The following FAM178B variants were observed in gnomAD, a reference collection of about 807,000 sequenced individuals.
FAM178B encodes protein FAM178B.
Under a neutral mutation model 91.7 loss-of-function variants are expected in FAM178B, and 82 were observed. The ratio of observed to expected loss-of-function variants is 0.89; its 90% confidence interval spans 0.75 to 1.07. The LOEUF is 1.07. FAM178B is among the 50% of genes least tolerant of loss of function. FAM178B has a pLI of 0.00. For synonymous variants in FAM178B, 368 were observed against 359.4 expected, an observed-to-expected ratio of 1.02 and a Z score of -0.27; for missense variants, 769 against 846.7, an observed-to-expected ratio of 0.91 and a Z score of 1.14.
chr2:96,976,956 A>G (rs2153376149), intron 1 of FAM178B, among the ~76,000 whole-genome samples: 1 of 152,242 alleles, frequency 6.6e-6, no homozygotes, highest in South Asian at 2.1e-4. Flanking sequence ...GCACTTTGGG[A>G]GGCCAAGGTG....
At chr2:96,931,189 A>C (rs966936429) in intron 8 of FAM178B, among the ~76,000 whole-genome samples, 6 of 152,146 alleles carry the variant, frequency 3.9e-5, no homozygotes, top group Non-Finnish European at 7.3e-5. Context: ...GATACATCAG[A>C]AGCACATACG....
In FAM178B at chr2:96,921,145, A is replaced by T. The variant is rs529653687; in HGVS notation, c.1562+20T>A. ...GAGATGCGTGTGAGAGGGAGGAGGC[A>T]GCGGGGGAGCAGCACGCACCTGCTC... On this transcript the variant is annotated intron_variant, in intron 12 of 16. Transcript: ENST00000490605. The T allele has an allele frequency of 7.1e-5, 110 of 1,542,386 alleles. No individual in the cohort carries two copies. Among genetic ancestry groups the T allele is most frequent in the Admixed American group, 1.6e-4 (8 of 50,976 alleles).
At chr2:96,924,456 AGAT>A (rs760534957) in intron 9 of FAM178B, among the ~76,000 whole-genome samples, 1 of 152,208 alleles carries the variant, frequency 6.6e-6, no homozygotes, top group Non-Finnish European at 1.5e-5. Context: ...GCTGAGCACC[AGAT>A]GATGTTAGAG....
intron 14 of FAM178B, among the ~76,000 whole-genome samples, chr2:96,892,172 C>T (rs1289485043): frequency 6.6e-6 from 1 of 152,224 alleles, no homozygotes; most frequent in African/African-American, 2.4e-5. Context: ...ACCTGCCCCA[C>T]CTGGCCCCTC....
Position 96,947,863 on chromosome 2 carries a change from C to G in FAM178B, c.1033G>C (p.Gly345Arg). 6.5e-7 allele frequency: 1 copy of G among 1,548,008 alleles called. No individual in the cohort carries two copies. The highest frequency in any genetic ancestry group is 8.7e-7 in the Non-Finnish European group (1 of 1,144,062). Residue 345 changes from glycine to arginine, a missense_variant, in exon 8 of 17, where the codon GGT (glycine) becomes CGT (arginine). Gly to Arg is a moderately radical substitution (Grantham distance 125). Coordinates refer to ENST00000490605, the MANE Select transcript of FAM178B (RefSeq NM_001122646.3). ...WPPETSLGAF[G>R]LLWDLIVDGI... ...TCCACAATGAGATCCCACAGAAGAC[C>G]AAAGGCTCCCAAAGATGTTTCTGGA...
At chr2:96,932,300 C>T (rs930984102) in intron 8 of FAM178B, among the ~76,000 whole-genome samples, 1 of 152,238 alleles carries the variant, frequency 6.6e-6, no homozygotes, top group African/African-American at 2.4e-5. Flanking sequence ...GCAACTGCTC[C>T]ACAGCACAGC....
chr2:96,960,763 G>A (rs766392833), intron 5 of FAM178B, among the ~76,000 whole-genome samples: 3 of 152,230 alleles, frequency 2.0e-5, no homozygotes, highest in Non-Finnish European at 4.4e-5. Flanking sequence ...GGTGAGTCAG[G>A]AATGGACCAC....
In FAM178B at chr2:96,969,152, C is replaced by G. The variant is rs142324342; in HGVS notation, c.627-1525G>C. 6.6e-5 allele frequency among the ~76,000 whole-genome samples: 10 copies of G among 152,362 alleles called. No individual in the cohort carries two copies. In the East Asian group the frequency reaches 1.7e-3, roughly 26 times the overall value. ...TGCTAAATTGCCAGGGAAGCAGGGG[C>G]TGCACCATCAGCTCCACTATCCAGA... On this transcript the variant is annotated intron_variant, in intron 4 of 16. Coordinates refer to ENST00000490605, the MANE Select transcript of FAM178B (RefSeq NM_001122646.3).
intron 16 of FAM178B, 88 bp downstream of exon 16, chr2:96,877,802 A>C: frequency 7.4e-7 from 1 of 1,344,188 alleles, no homozygotes; most frequent in Non-Finnish European, 1.0e-6. Context: ...CAGCAGCTGC[A>C]GCGGGGGTGG....
intron 6 of FAM178B, chr2:96,956,561 G>A (rs1443237335): frequency 6.6e-6 from 1 of 152,228 alleles, no homozygotes; most frequent in Non-Finnish European, 1.5e-5. Context: ...AGAAAGGTAA[G>A]GAGAAGTGAA....
chr2:96,952,461 G>A (rs2081943460), intron 6 of FAM178B, among the ~76,000 whole-genome samples: 1 of 152,256 alleles, frequency 6.6e-6, no homozygotes, highest in Admixed American at 6.5e-5. Context: ...CCACCCCCTC[G>A]GGCCTCTTCC....
chr2:96,958,350 G>A (rs533749542), intron 6 of FAM178B, among the ~76,000 whole-genome samples: 146 of 152,152 alleles, frequency 9.6e-4, no homozygotes, highest in Non-Finnish European at 1.3e-3. Flanking sequence ...GGTTACAGGC[G>A]TGAGCCACCA....
intron 4 of FAM178B, among the ~76,000 whole-genome samples, chr2:96,968,326 C>T (rs576026502): frequency 3.9e-5 from 6 of 152,030 alleles, no homozygotes; most frequent in Non-Finnish European, 8.8e-5. Flanking sequence ...TCAACTGGCC[C>T]CCACAATAGG....
At chr2:96,909,528 A>G (rs2081115886) in intron 12 of FAM178B, among the ~76,000 whole-genome samples, 1 of 151,804 alleles carries the variant, frequency 6.6e-6, no homozygotes, top group South Asian at 2.1e-4. Context: ...TTTTTTTGCC[A>G]TTTTGGTTTG....
rs188752216 is a variant in FAM178B, at chr2:96,947,489, T to C, written c.1078+329A>G. 2.1e-3 allele frequency among the ~76,000 whole-genome samples: 316 copies of C among 152,228 alleles called. 3 individuals are homozygous for C. In the East Asian group the frequency reaches 0.025, roughly 12 times the overall value. Reference sequence around the variant, plus strand: ...CTAACCGGCGCTTTCAGGAAGGACTTGGGGGTGAGCTGTCCCCTCAGACCT... The same window carrying C: ...CTAACCGGCGCTTTCAGGAAGGACTCGGGGGTGAGCTGTCCCCTCAGACCT... On this transcript the variant is annotated intron_variant, in intron 8 of 16. Transcript: ENST00000490605.
chr2:96,876,389 G>A, intron 16 of FAM178B, 81 bp from the exon 17 acceptor site: 1 of 1,528,112 alleles, frequency 6.5e-7, no homozygotes, highest in Non-Finnish European at 8.8e-7. Flanking sequence ...GGCTGGCGGT[G>A]TCCATTCAGC....
At chr2:96,977,870 C>T in intron 1 of FAM178B, 1 of 441,760 alleles carries the variant, frequency 2.3e-6, no homozygotes, top group Non-Finnish European at 4.4e-6. Flanking sequence ...GTTTTGGCTG[C>T]TTCTCAAGAT....
intron 8 of FAM178B, among the ~76,000 whole-genome samples, chr2:96,937,950 C>T (rs1004231601): frequency 2.0e-5 from 3 of 152,172 alleles, no homozygotes; most frequent in African/African-American, 7.2e-5. Flanking sequence ...ATCACCTGAG[C>T]CCGAGAGGTC....
At chr2:96,887,297 A>C (rs1238667359) in intron 14 of FAM178B, among the ~76,000 whole-genome samples, 1 of 152,204 alleles carries the variant, frequency 6.6e-6, no homozygotes, top group Non-Finnish European at 1.5e-5. Context: ...ATGAACACCT[A>C]GCTTCAGATG....
Sources: allele counts gnomAD v4.1 joint callset (sites outside exome capture counted in the v4.1 genomes callset), GRCh38; gene constraint gnomAD v4.1.1; transcripts MANE v1.5; gene names NCBI Gene and HGNC (gene_info 2026-07-23, HGNC 2026-07-21).